The following ERBB4 variants were observed in gnomAD, a reference collection of about 807,000 sequenced individuals.
The protein encoded by ERBB4 is receptor tyrosine-protein kinase erbB-4.
Under a neutral mutation model 158.0 loss-of-function variants are expected in ERBB4, and 42 were observed. The ratio of observed to expected loss-of-function variants is 0.27; its 90% CI spans 0.21 to 0.34. The LOEUF is 0.34. Ranked by LOEUF, ERBB4 falls within the 10% of genes least tolerant of loss-of-function variation. ERBB4 has a pLI of 1.00. For synonymous variants in ERBB4, 583 were observed against 558.7 expected, an observed-to-expected ratio of 1.04 and a Z score of -0.61; for missense variants, 1,333 against 1,624.1, an observed-to-expected ratio of 0.82 and a Z score of 3.08.
intron 1 of ERBB4, among the ~76,000 whole-genome samples, chr2:212,188,754 A>G (rs185116260): frequency 6.6e-6 from 1 of 151,940 alleles, no homozygotes; most frequent in African/African-American, 2.4e-5. Context: ...ATTTTAGGTC[A>G]TCTTCCTTCA....
At chr2:211,872,576 T>G (rs1053195135) in intron 3 of ERBB4, among the ~76,000 whole-genome samples, 2 of 152,130 alleles carry the variant, frequency 1.3e-5, no homozygotes, top group Admixed American at 6.5e-5. Context: ...TAGTGAAAAA[T>G]AAATTCAGAG....
chr2:211,479,291 T>C (rs2065028233), intron 20 of ERBB4, among the ~76,000 whole-genome samples: 1 of 152,206 alleles, frequency 6.6e-6, no homozygotes, highest in South Asian at 2.1e-4. Context: ...TCCTGCAATA[T>C]GGCCACTTAA....
At chr2:212,058,944 A>C (rs527407245) in intron 2 of ERBB4, among the ~76,000 whole-genome samples, 1 of 152,346 alleles carries the variant, frequency 6.6e-6, no homozygotes, top group African/African-American at 2.4e-5. Flanking sequence ...TGGCCAGGGC[A>C]ATCAGGAAGG....
chr2:211,657,315 C>T (rs959601023), intron 16 of ERBB4, among the ~76,000 whole-genome samples: 2 of 152,000 alleles, frequency 1.3e-5, no homozygotes, highest in Non-Finnish European at 1.5e-5. Flanking sequence ...TTGAGACCAG[C>T]CTGGCCAACA....
chr2:212,085,099 A>G (rs1445279910), intron 2 of ERBB4, among the ~76,000 whole-genome samples: 1 of 151,876 alleles, frequency 6.6e-6, no homozygotes. Context: ...ATCTTTCCCC[A>G]CCTAAAATAG....
At chr2:211,440,078 CA>C (rs1324503224) in intron 20 of ERBB4, among the ~76,000 whole-genome samples, 16 of 152,210 alleles carry the variant, frequency 1.1e-4, no homozygotes, top group Admixed American at 2.0e-4. Flanking sequence ...AACAAAAAAG[CA>C]AATTAAACAG....
intron 1 of ERBB4, among the ~76,000 whole-genome samples, chr2:212,305,601 G>A (rs1211081896): frequency 6.6e-6 from 1 of 151,180 alleles, no homozygotes; most frequent in East Asian, 1.9e-4. Flanking sequence ...TTAACATTTT[G>A]AAAACATTTC....
At chr2:212,446,578 C>CATATATATATATGTATATAT (rs1434137030) in intron 1 of ERBB4, among the ~76,000 whole-genome samples, 5 of 57,210 alleles carry the variant, frequency 8.7e-5, no homozygotes, top group Non-Finnish European at 1.5e-4. Flanking sequence ...AATAAACTCC[C>CATATATATATATGTATATAT]ATATATATAT....
chr2:211,586,862 T>C (rs1054647196), intron 19 of ERBB4, among the ~76,000 whole-genome samples: 2 of 152,174 alleles, frequency 1.3e-5, no homozygotes, highest in Non-Finnish European at 2.9e-5. Flanking sequence ...CACTTATTCT[T>C]TCCGATAATA....
chr2:212,525,963 C>T (rs6761143), intron 1 of ERBB4, among the ~76,000 whole-genome samples: 25,596 of 151,916 alleles, frequency 0.17, 2,272 homozygotes, highest in African/African-American at 0.23. Context: ...AAAGCTATTA[C>T]TGATATTTTG....
chr2:212,276,943 G>C (rs1038019314), intron 1 of ERBB4, among the ~76,000 whole-genome samples: 1 of 151,754 alleles, frequency 6.6e-6, no homozygotes, highest in African/African-American at 2.4e-5. Flanking sequence ...CAGATGAAGA[G>C]AAACGGTGAA....
intron 3 of ERBB4, among the ~76,000 whole-genome samples, chr2:211,886,235 A>G (rs1250769296): frequency 6.6e-6 from 1 of 152,144 alleles, no homozygotes; most frequent in Non-Finnish European, 1.5e-5. Flanking sequence ...TTCCCTGACC[A>G]TCCTATTTAA....
At chr2:211,837,832 G>A (rs1336383104) in intron 3 of ERBB4, among the ~76,000 whole-genome samples, 1 of 152,064 alleles carries the variant, frequency 6.6e-6, no homozygotes, top group Non-Finnish European at 1.5e-5. Context: ...ATTATACAGG[G>A]TAGCAAATAA....
intron 3 of ERBB4, among the ~76,000 whole-genome samples, chr2:211,804,999 A>C (rs1202773694): frequency 6.7e-6 from 1 of 150,104 alleles, no homozygotes; most frequent in Non-Finnish European, 1.5e-5. Context: ...GGCTCACTGC[A>C]ACCTCCGCCT....
intron 19 of ERBB4, among the ~76,000 whole-genome samples, chr2:211,603,209 C>A (rs531497778): frequency 6.6e-6 from 1 of 151,746 alleles, no homozygotes; most frequent in Non-Finnish European, 1.5e-5. Flanking sequence ...GCAGCCCGGG[C>A]GACAGAGCAA....
chr2:212,207,139 CATTTTGT>C (rs1425621723), intron 1 of ERBB4, among the ~76,000 whole-genome samples: 1 of 151,898 alleles, frequency 6.6e-6, no homozygotes, highest in Admixed American at 6.6e-5. Flanking sequence ...CAAATTCTTT[CATTTTGT>C]TTTTGTTCAA....
In ERBB4 at chr2:212,344,410, T is replaced by G. The variant is rs180814946; in HGVS notation, c.82+194039A>C. On this transcript the variant is annotated intron_variant, in intron 1 of 27. Coordinates refer to ENST00000342788, the MANE Select transcript of ERBB4 (RefSeq NM_005235.3). ...CCTAAGGCACATAATTGCTCCAGAT[T>G]GAGAACCACAGGATAAAAGAGCTGT... 3.4e-3 allele frequency among the ~76,000 whole-genome samples: 524 copies of G among 152,088 alleles called. 3 individuals are homozygous for G. The highest frequency in any genetic ancestry group is 0.012 in the African/African-American group (494 of 41,476).
intron 1 of ERBB4, among the ~76,000 whole-genome samples, chr2:212,127,213 C>T (rs999319303): frequency 2.0e-5 from 3 of 152,170 alleles, no homozygotes; most frequent in Non-Finnish European, 4.4e-5. Context: ...ATAAGACAAA[C>T]TTGTTCAACC....
At chr2:212,121,254 C>T (rs551318199) in intron 2 of ERBB4, among the ~76,000 whole-genome samples, 12 of 152,254 alleles carry the variant, frequency 7.9e-5, no homozygotes, top group East Asian at 1.9e-4. Flanking sequence ...GTTTTTGAGA[C>T]GGAGTCTCGC....
Sources: allele counts gnomAD v4.1 joint callset (sites outside exome capture counted in the v4.1 genomes callset), GRCh38; gene constraint gnomAD v4.1.1; transcripts MANE v1.5; gene names NCBI Gene and HGNC (gene_info 2026-07-23, HGNC 2026-07-21).